Variants in CFAP54 observed in about 807,000 individuals in gnomAD.
CFAP54 encodes cilia and flagella associated protein 54.
CFAP54 carries 290 observed loss-of-function variants against 370.4 expected under a neutral mutation model. The ratio of observed to expected loss-of-function variants is 0.78; its 90% CI spans 0.71 to 0.86. The LOEUF (loss-of-function observed/expected upper bound fraction) is 0.86, where lower values mean the gene tolerates loss of function less well. Among genes scored for constraint, CFAP54 ranks in the 40% least tolerant of loss-of-function variants. The pLI is 0.00. For synonymous variants in CFAP54, 1,206 were observed against 1,236.5 expected, an observed-to-expected ratio of 0.98 and a Z score of 0.52; for missense variants, 3,399 against 3,528.7, an observed-to-expected ratio of 0.96 and a Z score of 0.93.
intron 32 of CFAP54, among the ~76,000 whole-genome samples, chr12:96,642,576 G>A (rs1956743404): frequency 6.6e-6 from 1 of 152,106 alleles, no homozygotes; most frequent in Non-Finnish European, 1.5e-5. Context: ...ACTTTCCGGA[G>A]TTTTCTCTTT....
intron 66 of CFAP54, among the ~76,000 whole-genome samples, chr12:96,837,751 C>A (rs932728080): frequency 6.6e-6 from 1 of 152,192 alleles, no homozygotes; most frequent in Admixed American, 6.5e-5. Context: ...GTACAGTAAA[C>A]ATTTGTGAAG....
At chr12:96,679,852 A>C (rs367891377) in intron 40 of CFAP54, 100 bp downstream of exon 40, 1 of 1,182,442 alleles carries the variant, frequency 8.5e-7, no homozygotes, top group Non-Finnish European at 1.2e-6. Context: ...CCCCGTGTAC[A>C]TGCAACACTC....
At chr12:96,764,906 A>G (rs1958383557) in intron 59 of CFAP54, among the ~76,000 whole-genome samples, 171 bp from the exon 60 acceptor site, 1 of 152,188 alleles carries the variant, frequency 6.6e-6, no homozygotes, top group African/African-American at 2.4e-5. Context: ...ACTATGATAT[A>G]TTCTACATAT....
intron 8 of CFAP54, among the ~76,000 whole-genome samples, chr12:96,524,101 A>C (rs1421619240): frequency 2.0e-5 from 3 of 152,130 alleles, no homozygotes; most frequent in African/African-American, 7.2e-5. Context: ...TGCATTGAAC[A>C]TATTTTCTAA....
chr12:96,643,468 T>C (rs959160569), intron 32 of CFAP54, among the ~76,000 whole-genome samples: 3 of 152,102 alleles, frequency 2.0e-5, no homozygotes, highest in African/African-American at 7.2e-5. Context: ...ATCAGGTAGA[T>C]TGGTGCTGAC....
chr12:96,842,624 A>G (rs1050471237), intron 66 of CFAP54, among the ~76,000 whole-genome samples: 1 of 152,168 alleles, frequency 6.6e-6, no homozygotes, highest in African/African-American at 2.4e-5. Context: ...ATATTATCAC[A>G]TTTTATTTTG....
chr12:96,545,030 G>T (rs1354377121), intron 14 of CFAP54, among the ~76,000 whole-genome samples: 1 of 151,878 alleles, frequency 6.6e-6, no homozygotes. Context: ...TTTTGCCTCA[G>T]CCTCCCGAGT....
At chr12:96,841,830 G>A (rs900531312) in intron 66 of CFAP54, among the ~76,000 whole-genome samples, 4 of 152,160 alleles carry the variant, frequency 2.6e-5, no homozygotes, top group Non-Finnish European at 5.9e-5. Flanking sequence ...TTGATTCTTG[G>A]TTCCGCCACC....
intron 65 of CFAP54, among the ~76,000 whole-genome samples, chr12:96,818,723 G>A (rs1177840302): frequency 1.3e-5 from 2 of 152,196 alleles, no homozygotes; most frequent in East Asian, 3.8e-4. Flanking sequence ...CAGGCAGGGT[G>A]CCTCCAAAAA....
At chr12:96,636,855 G>A (rs1176052890) in intron 32 of CFAP54, among the ~76,000 whole-genome samples, 3 of 152,012 alleles carry the variant, frequency 2.0e-5, no homozygotes, top group Non-Finnish European at 4.4e-5. Flanking sequence ...TCAGGAGTCC[G>A]AGGAAAAACA....
In CFAP54 at chr12:96,700,049, C is replaced by T; in HGVS notation, c.6430C>T (p.Pro2144Ser). The change falls in exon 46 of 68, where the codon CCT (proline) becomes TCT (serine). Residue 2144 changes from proline (P) to serine (S), a missense_variant. By Grantham distance (74) the Pro-to-Ser change is moderately conservative. Around this residue, in one of 3 missense-constraint regions of CFAP54, gnomAD observed 2,796 missense variants for 2,869.7 expected, o/e 0.97. Transcript: ENST00000524981. ...CCAAATTTTCTATGGAAAAAACATG[C>T]CTTGTCCAATACCTGCAGGCTATAA... ...ISQIFYGKNM[P>S]CPIPAGYKAT... 6.2e-7 allele frequency: 1 copy of T among 1,609,622 alleles called. No homozygotes were observed. Among genetic ancestry groups the T allele is most frequent in the Non-Finnish European group, 8.5e-7 (1 of 1,178,156 alleles).
intron 60 of CFAP54, among the ~76,000 whole-genome samples, chr12:96,778,807 A>G (rs918944920): frequency 1.3e-5 from 2 of 152,142 alleles, no homozygotes; most frequent in Non-Finnish European, 2.9e-5. Context: ...AAATATATAC[A>G]GAAAAGAACA....
intron 66 of CFAP54, among the ~76,000 whole-genome samples, chr12:96,860,010 G>A (rs913750623): frequency 6.6e-5 from 10 of 151,656 alleles, no homozygotes; most frequent in African/African-American, 2.4e-4. Context: ...TGACAAAAAA[G>A]TTAACAAAAA....
At chr12:96,617,104 G>A (rs1270307423) in intron 26 of CFAP54, among the ~76,000 whole-genome samples, 1 of 152,182 alleles carries the variant, frequency 6.6e-6, no homozygotes, top group East Asian at 1.9e-4. Flanking sequence ...CAGCTACCTG[G>A]TCTGGGCAGT....
intron 58 of CFAP54, among the ~76,000 whole-genome samples, chr12:96,761,236 A>T (rs1958332819): frequency 6.6e-6 from 1 of 151,504 alleles, no homozygotes; most frequent in Non-Finnish European, 1.5e-5. Flanking sequence ...GGATATTTTC[A>T]TGTGCTTATT....
At chr12:96,602,375 A>T (rs1197776686) in intron 26 of CFAP54, among the ~76,000 whole-genome samples, 1 of 152,178 alleles carries the variant, frequency 6.6e-6, no homozygotes, top group East Asian at 1.9e-4. Context: ...TTTACCTCCA[A>T]TTATGTGGTC....
At chr12:96,831,843 A>G (rs1018741148) in intron 66 of CFAP54, among the ~76,000 whole-genome samples, 1 of 152,120 alleles carries the variant, frequency 6.6e-6, no homozygotes, top group African/African-American at 2.4e-5. Context: ...TCACTTATTC[A>G]TTTGGCCATT....
chr12:96,510,327 G>C (rs41322846), intron 4 of CFAP54, among the ~76,000 whole-genome samples: 12,423 of 151,772 alleles, frequency 0.082, 573 homozygotes, highest in South Asian at 0.13. Flanking sequence ...TTCAGTCTGT[G>C]TTCCATCTGA....
At chr12:96,767,436 G>A (rs750647419) in intron 60 of CFAP54, among the ~76,000 whole-genome samples, 3 of 152,272 alleles carry the variant, frequency 2.0e-5, no homozygotes, top group African/African-American at 4.8e-5. Context: ...TTCTTGTTCC[G>A]TGTCAGTGGC....
Sources: allele counts gnomAD v4.1 joint callset (sites outside exome capture counted in the v4.1 genomes callset), GRCh38; gene constraint gnomAD v4.1.1; regional missense constraint gnomAD v4.1.1; transcripts MANE v1.5; gene names NCBI Gene and HGNC (gene_info 2026-07-23, HGNC 2026-07-21).